The following TTC28 variants were observed in gnomAD, a reference collection of about 807,000 sequenced individuals.
TTC28 encodes the protein tetratricopeptide repeat protein 28.
In TTC28, 61 loss-of-function variants were observed where a neutral mutation model predicts 198.0. The ratio of observed to expected loss-of-function variants is 0.31; its 90% CI spans 0.25 to 0.38. The LOEUF (loss-of-function observed/expected upper bound fraction) is 0.38. Ranked by LOEUF, TTC28 falls within the 10% of genes least tolerant of loss-of-function variation. The pLI, the probability that TTC28 is intolerant of heterozygous loss-of-function variation, is 1.00. For synonymous variants in TTC28, 1,171 were observed against 1,297.8 expected, an observed-to-expected ratio of 0.90 and a Z score of 2.10; for missense variants, 2,678 against 3,164.0, an observed-to-expected ratio of 0.85 and a Z score of 3.69.
chr22:28,194,047 C>T (rs981651650), intron 5 of TTC28, among the ~76,000 whole-genome samples: 43 of 152,162 alleles, frequency 2.8e-4, no homozygotes, highest in Admixed American at 6.5e-4. Flanking sequence ...ATAAAGCACT[C>T]CTCAGCAAAT....
At chr22:28,144,671 T>C (rs1389004899) in intron 6 of TTC28, among the ~76,000 whole-genome samples, 1 of 152,242 alleles carries the variant, frequency 6.6e-6, no homozygotes, top group Non-Finnish European at 1.5e-5. Context: ...TGCTAAGCAC[T>C]ACTTGTCAAT....
chr22:28,389,251 T>G (rs2046672224), intron 2 of TTC28, among the ~76,000 whole-genome samples: 1 of 152,198 alleles, frequency 6.6e-6, no homozygotes, highest in African/African-American at 2.4e-5. Flanking sequence ...TGCCAGTATT[T>G]TATTGAGGAT....
intron 5 of TTC28, among the ~76,000 whole-genome samples, chr22:28,209,655 G>T (rs780710391): frequency 6.6e-6 from 1 of 152,184 alleles, no homozygotes; most frequent in African/African-American, 2.4e-5. Context: ...GAACTGGGTG[G>T]AGCCCACCAC....
chr22:28,080,919 C>T (rs1051113979), intron 12 of TTC28, among the ~76,000 whole-genome samples: 3 of 152,012 alleles, frequency 2.0e-5, no homozygotes, highest in Non-Finnish European at 4.4e-5. Context: ...TCCAGTTTTC[C>T]TAACACCATT....
chr22:28,040,987 T>A, intron 12 of TTC28, among the ~76,000 whole-genome samples: 1 of 152,140 alleles, frequency 6.6e-6, no homozygotes, highest in African/African-American at 2.4e-5. Context: ...TCACAATTAC[T>A]ACAAAGAGAA....
intron 5 of TTC28, among the ~76,000 whole-genome samples, chr22:28,203,956 T>C (rs560998388): frequency 7.2e-5 from 11 of 152,250 alleles, no homozygotes; most frequent in African/African-American, 2.6e-4. Context: ...AAAGAAAATA[T>C]GTTTATTCAT....
chr22:28,008,825 G>T (rs573190855), intron 14 of TTC28, among the ~76,000 whole-genome samples: 1 of 152,220 alleles, frequency 6.6e-6, no homozygotes, highest in Non-Finnish European at 1.5e-5. Context: ...CCACAAGTTT[G>T]CTGCTGAGGG....
chr22:28,233,349 T>C (rs1487975320), intron 5 of TTC28, among the ~76,000 whole-genome samples: 1 of 152,216 alleles, frequency 6.6e-6, no homozygotes, highest in Non-Finnish European at 1.5e-5. Context: ...ATTTTGCTCA[T>C]ATTTTAATTA....
intron 2 of TTC28, among the ~76,000 whole-genome samples, chr22:28,488,738 T>C (rs74445510): frequency 0.016 from 2,429 of 152,294 alleles, 87 homozygotes; most frequent in African/African-American, 0.056. Context: ...CTCAGGTCTA[T>C]AGATCCCTGG....
intron 12 of TTC28, among the ~76,000 whole-genome samples, chr22:28,034,030 A>C (rs576794381): frequency 6.6e-6 from 1 of 152,376 alleles, no homozygotes; most frequent in African/African-American, 2.4e-5. Flanking sequence ...GAAAAGAAAG[A>C]GAGGAGAAGG....
intron 1 of TTC28, among the ~76,000 whole-genome samples, chr22:28,674,588 G>A (rs1362742370): frequency 6.6e-6 from 1 of 152,216 alleles, no homozygotes; most frequent in East Asian, 1.9e-4. Context: ...GGGAGGTTGA[G>A]GCGGGTGGAT....
intron 2 of TTC28, among the ~76,000 whole-genome samples, chr22:28,448,201 A>C (rs1209507481): frequency 2.0e-5 from 3 of 152,206 alleles, no homozygotes; most frequent in Non-Finnish European, 4.4e-5. Context: ...TTAACATAGC[A>C]CTTTGCAGAT....
In TTC28 at chr22:28,108,057, G is replaced by A. The variant is rs969928640; in HGVS notation, c.1788C>T (p.Ala596=). ...AGTGGAAATTGCCCAGGTTGCTGAG[G>A]GCCCGGGCCTCGCTCTGGATGTCTC... The part of the protein sequence containing the change: ...ELRDIQSEAR[A]LSNLGNFHCS... Residue 596 remains alanine (A), a synonymous_variant, in exon 7 of 23, where the codon GCC becomes GCT. Transcript: ENST00000397906. The A allele has an allele frequency of 3.2e-6, 5 of 1,551,594 alleles. No homozygotes were observed. Among genetic ancestry groups the A allele is most frequent in the South Asian group, 1.2e-5 (1 of 84,020 alleles).
At chr22:28,636,955 CT>C (rs2051282858) in intron 1 of TTC28, among the ~76,000 whole-genome samples, 1 of 149,470 alleles carries the variant, frequency 6.7e-6, no homozygotes, top group African/African-American at 2.5e-5. Context: ...ATATTAAGAA[CT>C]TTTTCCCCCA....
At chr22:28,440,241 A>C (rs1353333365) in intron 2 of TTC28, among the ~76,000 whole-genome samples, 2 of 152,156 alleles carry the variant, frequency 1.3e-5, no homozygotes, top group Admixed American at 1.3e-4. Context: ...TGGGAGACCT[A>C]TTGCACTCTA....
intron 2 of TTC28, among the ~76,000 whole-genome samples, chr22:28,318,349 C>A (rs2045385930): frequency 6.6e-6 from 1 of 152,102 alleles, no homozygotes; most frequent in African/African-American, 2.4e-5. Flanking sequence ...AAAGAGAAGG[C>A]TTTTCTTGGT....
chr22:28,391,651 G>A (rs570443823), intron 2 of TTC28, among the ~76,000 whole-genome samples: 1 of 152,142 alleles, frequency 6.6e-6, no homozygotes, highest in Non-Finnish European at 1.5e-5. Flanking sequence ...TGAGGCTTCT[G>A]CATTCTTCAC....
At chr22:28,081,762 G>C (rs1941372409) in intron 12 of TTC28, among the ~76,000 whole-genome samples, 1 of 152,148 alleles carries the variant, frequency 6.6e-6, no homozygotes, top group South Asian at 2.1e-4. Context: ...AAAGTGCTGG[G>C]ATTACAGGCA....
chr22:28,398,247 G>A (rs892305951), intron 2 of TTC28, among the ~76,000 whole-genome samples: 12 of 152,196 alleles, frequency 7.9e-5, no homozygotes, highest in Admixed American at 2.6e-4. Context: ...GAGAGATGGA[G>A]AGGGGGCCAG....
Sources: gnomAD v4.1 joint callset for allele counts (sites outside exome capture counted in the v4.1 genomes callset) on GRCh38, gnomAD v4.1.1 for gene constraint, MANE v1.5 for transcripts, NCBI Gene and HGNC (gene_info 2026-07-23, HGNC 2026-07-21) for gene names.